The following CSNK1G1 variants were observed in gnomAD, a reference collection of about 807,000 sequenced individuals.
CSNK1G1 encodes the protein casein kinase 1 gamma 1.
Under a neutral mutation model 59.6 loss-of-function variants are expected in CSNK1G1, and 22 were observed. That is an observed-to-expected ratio of 0.37 (90% CI 0.26 to 0.53). The LOEUF (loss-of-function observed/expected upper bound fraction) is 0.53, where lower values mean the gene tolerates loss of function less well. Among genes scored for constraint, CSNK1G1 ranks in the 20% least tolerant of loss-of-function variants. The pLI is 0.89. For synonymous variants in CSNK1G1, 179 were observed against 177.1 expected, an observed-to-expected ratio of 1.01 and a Z score of -0.08; for missense variants, 384 against 519.5, an observed-to-expected ratio of 0.74 and a Z score of 2.54.
chr15:64,205,410 C>A (rs938665777), intron 7 of CSNK1G1, among the ~76,000 whole-genome samples: 4 of 151,992 alleles, frequency 2.6e-5, no homozygotes, highest in Admixed American at 6.6e-5. Context: ...AGAAAAAAAA[C>A]AATAACTGAA....
chr15:64,350,442 A>G (rs1898225348), intron 1 of CSNK1G1, among the ~76,000 whole-genome samples: 3 of 152,080 alleles, frequency 2.0e-5, no homozygotes. Flanking sequence ...TGGAGCTTGC[A>G]GTGAGCCAAG....
Position 64,204,556 on chromosome 15 carries a change from C to T in CSNK1G1, c.884G>A (p.Arg295Gln), listed in dbSNP as rs369149514. ...ATCAGGTTTTTCAAAGAAGTCCAGT[C>T]GCCTGACATATCGAAGGTAGGTTGC... ...EMATYLRYVRRLDFFEKPDYE... is the reference protein window; with the variant it reads ...EMATYLRYVRQLDFFEKPDYE... The change falls in exon 9 of 12, where the codon CGA becomes CAA. Residue 295 changes from arginine to glutamine, a missense_variant. Arg to Gln is a conservative substitution (Grantham distance 43). Coordinates refer to ENST00000303052, the MANE Select transcript of CSNK1G1 (RefSeq NM_022048.5). 6.8e-5 allele frequency: 109 copies of T among 1,613,788 alleles called. 1 individual carries two copies. Among genetic ancestry groups the T allele is most frequent in the Non-Finnish European group, 8.8e-5 (104 of 1,179,988 alleles).
At chr15:64,355,863 G>A (rs1898639587) in intron 1 of CSNK1G1, 125 bp downstream of exon 1, 1 of 152,176 alleles carries the variant, frequency 6.6e-6, no homozygotes, top group South Asian at 2.1e-4. Flanking sequence ...GCCAGCCTGC[G>A]CCCCACCCGG....
At chr15:64,263,079 CAAAAAAAAA>C (rs1216890234) in intron 2 of CSNK1G1, among the ~76,000 whole-genome samples, 1 of 53,586 alleles carries the variant, frequency 1.9e-5, no homozygotes, top group Non-Finnish European at 4.6e-5. Context: ...AACGCCATCT[CAAAAAAAAA>C]AAAAAAAAAA....
intron 1 of CSNK1G1, among the ~76,000 whole-genome samples, chr15:64,327,572 G>GA (rs1157634333): frequency 7.1e-6 from 1 of 141,760 alleles, no homozygotes; most frequent in Non-Finnish European, 1.5e-5. Flanking sequence ...CAAAGATGGG[G>GA]AAAAAACAGA....
At chr15:64,218,504 C>A (rs1227385682) in intron 4 of CSNK1G1, among the ~76,000 whole-genome samples, 1 of 151,360 alleles carries the variant, frequency 6.6e-6, no homozygotes, top group African/African-American at 2.4e-5. Context: ...GCAATTCTTG[C>A]GCCTCAGCCT....
rs2082409009 is a variant in CSNK1G1 at position 64,222,847 on chromosome 15, TTAATA to T, written c.293-6139_293-6135del. ...TAAAGGGTTTTGCTTTGTTTTATGA[TTAATA>T]TAAGGATTCAGAATACAGTGACAGG... is the stretch of plus-strand genomic sequence containing the variant. On this transcript the variant is annotated intron_variant, in intron 4 of 11. Transcript: ENST00000303052. Among the ~76,000 whole-genome samples the T allele has an allele frequency of 2.0e-5, 3 of 152,094 alleles. No individual in the cohort carries two copies. The South Asian group carries it at 6.2e-4, about 32-fold the overall frequency.
rs28653333 is a variant in CSNK1G1 at position 64,208,321 on chromosome 15, G to C, written c.680-727C>G. Among the ~76,000 whole-genome samples the C allele has an allele frequency of 5.7e-4, 87 of 152,186 alleles. 1 individual carries two copies. Among genetic ancestry groups the C allele is most frequent in the African/African-American group, 2.0e-3 (83 of 41,532 alleles). On this transcript the variant is annotated intron_variant, in intron 6 of 11. Transcript: ENST00000303052. ...GAGATAAGCCTGGGCAACATAATGA[G>C]ACCTCATCCCAAAACAAAATAAAAC... is the stretch of plus-strand genomic sequence containing the variant.
chr15:64,354,073 A>C (rs532190646), intron 1 of CSNK1G1, among the ~76,000 whole-genome samples: 1 of 152,298 alleles, frequency 6.6e-6, no homozygotes, highest in African/African-American at 2.4e-5. Flanking sequence ...TGGGAGACCA[A>C]GGCGGATGGA....
At chr15:64,292,717 G>A (rs1219487730) in intron 2 of CSNK1G1, among the ~76,000 whole-genome samples, 1 of 152,066 alleles carries the variant, frequency 6.6e-6, no homozygotes, top group Non-Finnish European at 1.5e-5. Flanking sequence ...TAGCTTAGGA[G>A]ATAGAGACCA....
At chr15:64,299,210 A>G (rs1382132580) in intron 2 of CSNK1G1, among the ~76,000 whole-genome samples, 2 of 152,066 alleles carry the variant, frequency 1.3e-5, no homozygotes, top group Admixed American at 6.5e-5. Flanking sequence ...TGACCTTTCC[A>G]CATTCTCCAG....
chr15:64,166,821 C>G lies in CSNK1G1; in HGVS notation c.*5110G>C, dbSNP rs933223393. On this transcript the variant is annotated 3_prime_UTR_variant, in exon 12 of 12. Coordinates refer to ENST00000303052, the MANE Select transcript of CSNK1G1 (RefSeq NM_022048.5). This position sits in a 1 kb window ranked among gnomAD's most constrained non-coding sequence, Gnocchi z 4.5. Reference sequence around the variant, plus strand: ...TACTGGAATGGCTGCACCACACCCCCACTTATTACCATGAATAATCCTCTG... The same window carrying G: ...TACTGGAATGGCTGCACCACACCCCGACTTATTACCATGAATAATCCTCTG... 1 of 152,608 alleles carries G rather than the reference C, an allele frequency of 6.6e-6. No homozygotes were observed. The highest frequency in any genetic ancestry group is 2.4e-5 in the African/African-American group (1 of 41,442). 9.5% of individuals were successfully genotyped at this position (152,608 alleles called of 1,614,324 possible). A position where few individuals can be genotyped will look rare whatever the true frequency, so the allele number is the denominator to read the frequency against.
At chr15:64,266,996 C>G (rs1195968296) in intron 2 of CSNK1G1, among the ~76,000 whole-genome samples, 1 of 152,124 alleles carries the variant, frequency 6.6e-6, no homozygotes, top group Non-Finnish European at 1.5e-5. Flanking sequence ...CAGGCTCATG[C>G]CTCTCATCCT....
chr15:64,193,320 T>C (rs1052937306), intron 10 of CSNK1G1, among the ~76,000 whole-genome samples: 28 of 151,336 alleles, frequency 1.9e-4, no homozygotes, highest in Non-Finnish European at 4.4e-5. Flanking sequence ...TGAAACCCCG[T>C]CTCTACTAAA....
In CSNK1G1 at chr15:64,300,624, T is replaced by C. The variant is rs1895275090; in HGVS notation, c.-125A>G. The C allele has an allele frequency of 2.9e-6, 4 of 1,387,194 alleles. No individual in the cohort carries two copies. The highest frequency in any genetic ancestry group is 3.8e-6 in the Non-Finnish European group (4 of 1,065,034). The allele number at this position is 1,387,194 out of a possible 1,614,324, so 85.9% of individuals were successfully genotyped here. A position where few individuals can be genotyped will look rare whatever the true frequency, so the allele number is the denominator to read the frequency against. On this transcript the variant is annotated 5_prime_UTR_variant, in exon 2 of 12. In the 5' UTR this introduces an upstream ATG that the reference lacks. Transcript: ENST00000303052. The stretch of plus-strand genomic sequence containing the variant: ...AAGGTAAGGAGTTCTTTTAGCACCA[T>C]ATTTGTTTGTAATGTATCTCCGGGA...
At chr15:64,311,130 T>C (rs1895974280) in intron 1 of CSNK1G1, among the ~76,000 whole-genome samples, 1 of 151,456 alleles carries the variant, frequency 6.6e-6, no homozygotes, top group African/African-American at 2.4e-5. Flanking sequence ...CTCAGCTCAC[T>C]GCAACTTCCA....
At chr15:64,255,884 TATGAAGAA>T (rs1340616808) in intron 3 of CSNK1G1, among the ~76,000 whole-genome samples, 1 of 152,240 alleles carries the variant, frequency 6.6e-6, no homozygotes, top group Non-Finnish European at 1.5e-5. Context: ...TAGGAAGCGC[TATGAAGAA>T]AGAACTCATA....
At chr15:64,284,961 T>A (rs555571448) in intron 2 of CSNK1G1, among the ~76,000 whole-genome samples, 1 of 152,196 alleles carries the variant, frequency 6.6e-6, no homozygotes, top group East Asian at 1.9e-4. Context: ...CCTTGACTCC[T>A]CAATACAAAT....
rs1354661275 is a variant in CSNK1G1, at chr15:64,188,255, A to T, written c.1108-7801T>A. On this transcript the variant is annotated intron_variant, in intron 10 of 11. Transcript: ENST00000303052. This position sits in a 1 kb window ranked among gnomAD's most constrained non-coding sequence, Gnocchi z 4.2. ...CCACCTAGACAGAAAATCTACAGAG[A>T]TATTCAATTAGCCCTTCCTGTAAGC... 1.5e-6 allele frequency: 1 copy of T among 650,996 alleles called. No individual in the cohort carries two copies. The highest frequency in any genetic ancestry group is 3.2e-5 in the Admixed American group (1 of 31,646). 40.3% of individuals were successfully genotyped at this position (650,996 alleles called of 1,614,324 possible). A position where few individuals can be genotyped will look rare whatever the true frequency, so the allele number is the denominator to read the frequency against.
Sources: gnomAD v4.1 joint callset for allele counts (sites outside exome capture counted in the v4.1 genomes callset) on GRCh38, gnomAD v4.1.1 for gene constraint, Gnocchi (gnomAD v3.1) non-coding constraint, MANE v1.5 for transcripts, NCBI Gene and HGNC (gene_info 2026-07-23, HGNC 2026-07-21) for gene names.